HYCC1: variants seen among roughly 807,000 people sequenced by gnomAD.
HYCC1 encodes the protein hyccin.
chr7:22,948,851 T>C, the HYCC1 span, among the ~76,000 whole-genome samples: 1 of 152,068 alleles, frequency 6.6e-6, no homozygotes, highest in African/African-American at 2.4e-5. Flanking sequence ...AAAGGATTAA[T>C]GAAACTAAAA....
the HYCC1 span, chr7:22,945,483 C>A: frequency 1.2e-6 from 1 of 838,250 alleles, no homozygotes; most frequent in Non-Finnish European, 2.0e-6. Flanking sequence ...TTTAAGACAT[C>A]AGGGCTCCTG....
At chr7:23,001,194 G>T in the HYCC1 span, among the ~76,000 whole-genome samples, 1 of 152,098 alleles carries the variant, frequency 6.6e-6, no homozygotes, top group African/African-American at 2.4e-5. Context: ...CTGGCACTAT[G>T]CTAAGCGATT....
At chr7:23,007,384 G>A in the HYCC1 span, among the ~76,000 whole-genome samples, 9 of 152,086 alleles carry the variant, frequency 5.9e-5, no homozygotes, top group Non-Finnish European at 1.2e-4. Context: ...CTGAGTCTCA[G>A]TTTATCTGTA....
chr7:22,950,717 T>G, the HYCC1 span, among the ~76,000 whole-genome samples: 1 of 151,952 alleles, frequency 6.6e-6, no homozygotes, highest in East Asian at 1.9e-4. Flanking sequence ...ATCTATTTTT[T>G]TATTATGTTA....
At chr7:22,969,619 G>A in the HYCC1 span, among the ~76,000 whole-genome samples, 1 of 151,692 alleles carries the variant, frequency 6.6e-6, no homozygotes, top group Non-Finnish European at 1.5e-5. Flanking sequence ...CACATCCCGG[G>A]TTCAAGCAAT....
the HYCC1 span, among the ~76,000 whole-genome samples, chr7:22,911,745 A>G: frequency 6.6e-6 from 1 of 152,244 alleles, no homozygotes; most frequent in African/African-American, 2.4e-5. Context: ...TGACACAGCA[A>G]GACTCCATAT....
chr7:23,003,831 A>C, the HYCC1 span, among the ~76,000 whole-genome samples: 1 of 152,216 alleles, frequency 6.6e-6, no homozygotes, highest in South Asian at 2.1e-4. Context: ...GAGAAAATGT[A>C]AGTAAACACA....
the HYCC1 span, among the ~76,000 whole-genome samples, chr7:22,916,048 T>C: frequency 1.3e-5 from 2 of 152,118 alleles, no homozygotes; most frequent in Non-Finnish European, 2.9e-5. Context: ...CATGCACCCC[T>C]TACCATCCCA....
chr7:23,008,863 T>A, the HYCC1 span, among the ~76,000 whole-genome samples: 1 of 151,990 alleles, frequency 6.6e-6, no homozygotes, highest in Non-Finnish European at 1.5e-5. Flanking sequence ...AGATGTAAAT[T>A]TTTTTAAAAA....
the HYCC1 span, among the ~76,000 whole-genome samples, chr7:22,899,065 A>G: frequency 6.6e-6 from 1 of 152,214 alleles, no homozygotes; most frequent in African/African-American, 2.4e-5. Context: ...TTAGAGAGGC[A>G]GCGTGGTAGC....
At chr7:22,946,811 G>T in the HYCC1 span, 2 of 665,690 alleles carry the variant, frequency 3.0e-6, no homozygotes, top group Non-Finnish European at 4.9e-6. Flanking sequence ...GACGATAAAG[G>T]TATAATCATT....
At chr7:22,992,973 G>T in the HYCC1 span, among the ~76,000 whole-genome samples, 1 of 152,120 alleles carries the variant, frequency 6.6e-6, no homozygotes, top group African/African-American at 2.4e-5. Flanking sequence ...CAACAGCAAA[G>T]CTTAGTATAA....
the HYCC1 span, among the ~76,000 whole-genome samples, chr7:22,955,143 A>T: frequency 1.3e-5 from 2 of 151,582 alleles, no homozygotes; most frequent in Non-Finnish European, 3.0e-5. Context: ...TATAACGTGT[A>T]TTTTTGCATT....
chr7:22,925,377 C>T, the HYCC1 span, among the ~76,000 whole-genome samples: 1 of 152,082 alleles, frequency 6.6e-6, no homozygotes, highest in South Asian at 2.1e-4. Flanking sequence ...GAAGATCAAG[C>T]TACTCCGAGC....
At chr7:22,928,910 T>G in the HYCC1 span, among the ~76,000 whole-genome samples, 2 of 152,092 alleles carry the variant, frequency 1.3e-5, no homozygotes, top group Non-Finnish European at 2.9e-5. Flanking sequence ...AGAACAAAGC[T>G]GGAGGCATCA....
the HYCC1 span, among the ~76,000 whole-genome samples, chr7:22,999,750 G>A: frequency 1.9e-4 from 29 of 152,218 alleles, no homozygotes; most frequent in East Asian, 5.0e-3. Context: ...TGAGTATAAT[G>A]CAAAGTGTTT....
At chr7:22,953,150 A>G in the HYCC1 span, among the ~76,000 whole-genome samples, 1 of 151,924 alleles carries the variant, frequency 6.6e-6, no homozygotes, top group African/African-American at 2.4e-5. Flanking sequence ...ATAAAATCCA[A>G]TAGAGAATTG....
chr7:22,899,115 G>A, the HYCC1 span, among the ~76,000 whole-genome samples: 1 of 152,202 alleles, frequency 6.6e-6, no homozygotes, highest in Non-Finnish European at 1.5e-5. Context: ...GCATCTGGTG[G>A]TTGGTGGGGA....
chr7:22,923,975 G>A, the HYCC1 span, among the ~76,000 whole-genome samples: 87 of 142,728 alleles, frequency 6.1e-4, no homozygotes, highest in South Asian at 1.1e-3. Flanking sequence ...TGGCCAACAC[G>A]GCAAAACCCT....
Sources: gnomAD v4.1 joint callset for allele counts (sites outside exome capture counted in the v4.1 genomes callset) on GRCh38, gnomAD v4.1.1 for gene constraint, MANE v1.5 for transcripts, NCBI Gene and HGNC (gene_info 2026-07-23, HGNC 2026-07-21) for gene names.